The following MIS18A variants were observed in gnomAD, a reference collection of about 807,000 sequenced individuals.
MIS18A encodes MIS18 kinetochore protein A.
Under a neutral mutation model 25.0 loss-of-function variants are expected in MIS18A, and 14 were observed. The ratio of observed to expected loss-of-function variants is 0.56; its 90% CI spans 0.37 to 0.88. MIS18A has a LOEUF of 0.88. MIS18A is among the 40% of genes least tolerant of loss of function. The probability of loss-of-function intolerance (pLI) is 0.00; values close to 1 mark genes in which losing one functional copy is unlikely to be tolerated. For missense variants in MIS18A, 292 were observed against 290.8 expected, an observed-to-expected ratio of 1.00 and a Z score of -0.03; for synonymous variants, 134 against 118.6, an observed-to-expected ratio of 1.13 and a Z score of -0.84.
the MIS18A span, among the ~76,000 whole-genome samples, chr21:32,238,219 C>T: frequency 3.3e-5 from 5 of 152,148 alleles, no homozygotes; most frequent in South Asian, 2.1e-4. Flanking sequence ...ACAAAGAAGG[C>T]AAATTTCTTG....
At chr21:32,256,568 G>A in the MIS18A span, among the ~76,000 whole-genome samples, 3,248 of 152,162 alleles carry the variant, frequency 0.021, 112 homozygotes, top group African/African-American at 0.075. Flanking sequence ...TCCCTGTTTC[G>A]CGAATGTGCC....
chr21:32,167,564 T>C, the MIS18A span, among the ~76,000 whole-genome samples: 4 of 152,016 alleles, frequency 2.6e-5, no homozygotes, highest in African/African-American at 4.8e-5. Context: ...CAGCAGAAAA[T>C]ATCCTTACTG....
chr21:32,208,828 A>T, the MIS18A span, among the ~76,000 whole-genome samples: 1 of 152,232 alleles, frequency 6.6e-6, no homozygotes, highest in African/African-American at 2.4e-5. Context: ...CACATAAATG[A>T]TAACTACATG....
rs2031691524 is a variant in MIS18A at position 32,270,413 on chromosome 21, A to G, written c.518T>C (p.Ile173Thr). ...RDLFCLSVEAIESYVLGSSEK... is the reference protein window; with the variant it reads ...RDLFCLSVEATESYVLGSSEK... The stretch of plus-strand genomic sequence containing the variant: ...ATTTATATATCAAACTTACCTTTCA[A>G]TGGCTTCAACACTGAGGCAAAACAA... Residue 173 changes from isoleucine to threonine, a missense_variant, in exon 3 of 5, where the codon ATT becomes ACT. Ile to Thr is a moderately conservative substitution (Grantham distance 89). Transcript: ENST00000290130. The G allele has an allele frequency of 6.2e-7, 1 of 1,613,984 alleles. No individual in the cohort carries two copies. Among genetic ancestry groups the G allele is most frequent in the African/African-American group, 1.3e-5 (1 of 75,032 alleles).
At chr21:32,256,661 C>A in the MIS18A span, among the ~76,000 whole-genome samples, 11 of 152,086 alleles carry the variant, frequency 7.2e-5, no homozygotes, top group Non-Finnish European at 1.6e-4. Flanking sequence ...GGGGACTGTC[C>A]CTTGCCCCTT....
At chr21:32,196,834 T>C in the MIS18A span, among the ~76,000 whole-genome samples, 1 of 152,160 alleles carries the variant, frequency 6.6e-6, no homozygotes, top group African/African-American at 2.4e-5. Flanking sequence ...AGATAATTGA[T>C]TGACAGGTAG....
At chr21:32,272,430 C>T (rs144177892) in intron 2 of MIS18A, among the ~76,000 whole-genome samples, 1 of 152,246 alleles carries the variant, frequency 6.6e-6, no homozygotes, top group East Asian at 1.9e-4. Context: ...GCAGTCTAAT[C>T]GATGGGTTTA....
At chr21:32,239,234 C>T in the MIS18A span, among the ~76,000 whole-genome samples, 13 of 152,202 alleles carry the variant, frequency 8.5e-5, no homozygotes, top group African/African-American at 1.7e-4. Flanking sequence ...GCTTTCCGTC[C>T]GACCTTGAGA....
the MIS18A span, among the ~76,000 whole-genome samples, chr21:32,157,904 G>A: frequency 1.3e-5 from 2 of 152,070 alleles, no homozygotes; most frequent in Non-Finnish European, 2.9e-5. Context: ...AAAAACCAGA[G>A]GGTTGAACAT....
chr21:32,198,563 A>G, the MIS18A span, among the ~76,000 whole-genome samples: 1 of 152,192 alleles, frequency 6.6e-6, no homozygotes, highest in South Asian at 2.1e-4. Flanking sequence ...CCGAAGCACT[A>G]GGCAGTCTGC....
the MIS18A span, among the ~76,000 whole-genome samples, chr21:32,173,216 T>C: frequency 1.3e-5 from 2 of 152,150 alleles, no homozygotes; most frequent in Non-Finnish European, 2.9e-5. Flanking sequence ...TCAGTATCAC[T>C]AGTCATTAAG....
chr21:32,259,029 A>ACAC, the MIS18A span, among the ~76,000 whole-genome samples: 152,121 of 152,124 alleles, frequency 1, 76,059 homozygotes, highest in Non-Finnish European at 1. Context: ...GCACGCTACC[A>ACAC]CTGCTAACTT....
the MIS18A span, among the ~76,000 whole-genome samples, chr21:32,252,227 AAGAAGAAGAAGAAGG>A: frequency 3.0e-3 from 322 of 107,006 alleles, no homozygotes; most frequent in African/African-American, 0.01. Flanking sequence ...GAAGAAGAAG[AAGAAGAAGAAGAAGG>A]AGGAGGAGGA....
the MIS18A span, among the ~76,000 whole-genome samples, chr21:32,211,581 G>T: frequency 1.3e-5 from 2 of 152,154 alleles, no homozygotes; most frequent in African/African-American, 4.8e-5. Flanking sequence ...TTAGCTCAGT[G>T]TCCTCCCTGC....
chr21:32,195,183 T>C, the MIS18A span, among the ~76,000 whole-genome samples: 1 of 152,236 alleles, frequency 6.6e-6, no homozygotes, highest in Non-Finnish European at 1.5e-5. Flanking sequence ...TGACTGTACT[T>C]TTAACATGCT....
At chr21:32,158,533 GAC>G in the MIS18A span, among the ~76,000 whole-genome samples, 1 of 150,874 alleles carries the variant, frequency 6.6e-6, no homozygotes, top group Non-Finnish European at 1.5e-5. Context: ...GGCGTTCAAT[GAC>G]ACAGTCTCGG....
the MIS18A span, among the ~76,000 whole-genome samples, chr21:32,200,085 G>T: frequency 2.6e-5 from 4 of 152,216 alleles, no homozygotes; most frequent in African/African-American, 7.2e-5. Context: ...AGCTTTTCCT[G>T]TAAAGGTCCA....
the MIS18A span, among the ~76,000 whole-genome samples, chr21:32,183,674 T>A: frequency 6.6e-6 from 1 of 152,226 alleles, no homozygotes; most frequent in African/African-American, 2.4e-5. Flanking sequence ...GTATCCCAGC[T>A]GCTGACACAC....
At chr21:32,218,182 G>C in the MIS18A span, among the ~76,000 whole-genome samples, 1 of 106,288 alleles carries the variant, frequency 9.4e-6, no homozygotes, top group Non-Finnish European at 1.7e-5. Flanking sequence ...AACAGAGTGA[G>C]ACTCCATCTC....
Sources: allele counts gnomAD v4.1 joint callset (sites outside exome capture counted in the v4.1 genomes callset), GRCh38; gene constraint gnomAD v4.1.1; transcripts MANE v1.5; gene names NCBI Gene and HGNC (gene_info 2026-07-23, HGNC 2026-07-21).